FZD3: variants seen among roughly 807,000 people sequenced by gnomAD.
The protein encoded by FZD3 is frizzled class receptor 3, also known as frizzled-3.
Under a neutral mutation model 60.7 loss-of-function variants are expected in FZD3, and 30 were observed. That is an observed-to-expected ratio of 0.49 (90% CI 0.37 to 0.67). The LOEUF (loss-of-function observed/expected upper bound fraction) is 0.67. FZD3 is among the 30% of genes least tolerant of loss of function. The pLI is 0.00. For synonymous variants in FZD3, 246 were observed against 275.2 expected (o/e 0.89, Z 1.05); for missense variants, 605 against 838.7 (o/e 0.72, Z 3.44).
intron 1 of FZD3, 49 bp from the exon 2 acceptor site, chr8:28,499,884 T>C (rs1306829590): frequency 6.6e-6 from 1 of 152,230 alleles, no homozygotes; most frequent in Non-Finnish European, 1.5e-5. Flanking sequence ...ATTTACTGTA[T>C]ATAATTACAT....
At chr8:28,501,424 A>G (rs958851669) in intron 2 of FZD3, among the ~76,000 whole-genome samples, 1 of 152,164 alleles carries the variant, frequency 6.6e-6, no homozygotes, top group African/African-American at 2.4e-5. Flanking sequence ...AGGTCCCACA[A>G]TCTAAGTTAT....
chr8:28,494,309 C>CCG lies in FZD3; in HGVS notation c.-424_-423insGC, dbSNP rs1255935095. On this transcript the variant is annotated 5_prime_UTR_variant, in exon 1 of 8. Coordinates refer to ENST00000240093, the MANE Select transcript of FZD3 (RefSeq NM_017412.4). The stretch of plus-strand genomic sequence containing the variant: ...GCCGCCCGCGGCAGGCGGTGCAGCC[C>CCG]CCCCACCCCTTGGAGCCAGGCGCCG... 6.6e-6 allele frequency: 1 copy of CCG among 151,714 alleles called. No homozygotes were observed. The highest frequency in any genetic ancestry group is 1.5e-5 in the Non-Finnish European group (1 of 67,942). The allele number at this position is 151,714 out of a possible 1,614,324, so 9.4% of individuals were successfully genotyped here.
intron 1 of FZD3, among the ~76,000 whole-genome samples, chr8:28,497,941 A>G (rs1185589597): frequency 1.3e-5 from 2 of 152,222 alleles, no homozygotes; most frequent in Admixed American, 6.5e-5. Context: ...TTTCAGGACA[A>G]ATACTTAGTT....
intron 3 of FZD3, among the ~76,000 whole-genome samples, chr8:28,519,550 C>T (rs1274698635): frequency 1.3e-5 from 2 of 151,868 alleles, no homozygotes; most frequent in African/African-American, 2.4e-5. Context: ...GGCAACATGG[C>T]GAGACCCTGT....
rs1029999081 is a variant in FZD3 at position 28,573,215 on chromosome 8, C to T, written c.*10204C>T. 2.0e-5 allele frequency: 3 copies of T among 152,100 alleles called. No individual in the cohort carries two copies. Among genetic ancestry groups the T allele is most frequent in the Non-Finnish European group, 4.4e-5 (3 of 68,002 alleles). 9.4% of individuals were successfully genotyped at this position (152,100 alleles called of 1,614,324 possible). ...AATACTTCCAAAATATAACCTATCT[C>T]AAGTGTTAGAAATTTGCTTTAACTA... is the stretch of plus-strand genomic sequence containing the variant. On this transcript the variant is annotated 3_prime_UTR_variant, in exon 8 of 8. Coordinates refer to ENST00000240093, the MANE Select transcript of FZD3 (RefSeq NM_017412.4).
In FZD3 at chr8:28,527,666, A is replaced by G. The variant is rs1804751842; in HGVS notation, c.906A>G (p.Val302=). 9.9e-6 allele frequency: 16 copies of G among 1,614,028 alleles called. No homozygotes were observed. The East Asian group carries it at 2.2e-4, about 22-fold the overall frequency. ...ATTTTTTTACTATGGCTGGCAGTGT[A>G]TGGTGGGTAATTCTTACCATCACAT... is the stretch of plus-strand genomic sequence containing the variant. ...ILYFFTMAGS[V]WWVILTITWF... Residue 302 remains valine (V), a synonymous_variant, in exon 5 of 8, where the codon GTA becomes GTG. Coordinates refer to ENST00000240093, the MANE Select transcript of FZD3 (RefSeq NM_017412.4). The surrounding 1 kb of genome is among the most constrained non-coding windows in gnomAD (Gnocchi z 5.0).
Position 28,563,147 on chromosome 8 carries a change from A to C in FZD3, c.*136A>C, listed in dbSNP as rs1805646165. On this transcript the variant is annotated 3_prime_UTR_variant, in exon 8 of 8. Coordinates refer to ENST00000240093, the MANE Select transcript of FZD3 (RefSeq NM_017412.4). ...ACAGATTGTGTCCACTGGAAAGGTA[A>C]ATGATTGCTTTTTTATATTGCATCA... 1 of 644,850 alleles carries C rather than the reference A, an allele frequency of 1.6e-6. No individual in the cohort carries two copies. Among genetic ancestry groups the C allele is most frequent in the Non-Finnish European group, 2.8e-6 (1 of 355,718 alleles). The allele number at this position is 644,850 out of a possible 1,614,324, so 39.9% of individuals were successfully genotyped here.
At chr8:28,549,431 A>G (rs899117898) in intron 5 of FZD3, among the ~76,000 whole-genome samples, 1 of 152,188 alleles carries the variant, frequency 6.6e-6, no homozygotes, top group Non-Finnish European at 1.5e-5. Context: ...TTAATTTCAT[A>G]CCTAGCCACC....
At chr8:28,549,399 T>C (rs1276912061) in intron 5 of FZD3, among the ~76,000 whole-genome samples, 1 of 152,222 alleles carries the variant, frequency 6.6e-6, no homozygotes, top group African/African-American at 2.4e-5. Context: ...GATATTTATA[T>C]ACATGAAAGT....
At position 28,566,746 on chromosome 8, in the gene FZD3, A is replaced by G. The variant is rs1230536227; in HGVS notation, c.*3735A>G. 1.3e-5 allele frequency: 2 copies of G among 152,298 alleles called. No homozygotes were observed. Among genetic ancestry groups the G allele is most frequent in the Admixed American group, 6.5e-5 (1 of 15,296 alleles). 9.4% of individuals were successfully genotyped at this position (152,298 alleles called of 1,614,324 possible). On this transcript the variant is annotated 3_prime_UTR_variant, in exon 8 of 8. Transcript: ENST00000240093. ...TTTGACATGCCAAAGGTACATTTAC[A>G]TATTACCATATTTGGATGACTTACA...
intron 3 of FZD3, among the ~76,000 whole-genome samples, chr8:28,513,675 A>G (rs1388299823): frequency 6.6e-6 from 1 of 152,200 alleles, no homozygotes; most frequent in Non-Finnish European, 1.5e-5. Context: ...TTGTTTTTGA[A>G]TAATTTCTCA....
chr8:28,545,828 G>A (rs762967951), intron 5 of FZD3, among the ~76,000 whole-genome samples: 7 of 152,262 alleles, frequency 4.6e-5, no homozygotes, highest in South Asian at 2.1e-4. Flanking sequence ...TTTAATATAT[G>A]TATAAATAAT....
intron 3 of FZD3, among the ~76,000 whole-genome samples, chr8:28,507,193 T>C (rs2130294465): frequency 6.6e-6 from 1 of 152,332 alleles, no homozygotes; most frequent in East Asian, 1.9e-4. Flanking sequence ...GGTTCATACA[T>C]TGCATCCAAT....
chr8:28,499,633 G>A (rs1332584153), intron 1 of FZD3, among the ~76,000 whole-genome samples: 1 of 151,898 alleles, frequency 6.6e-6, no homozygotes, highest in Admixed American at 6.6e-5. Flanking sequence ...ATTTGAAAAT[G>A]TTGAAATATT....
chr8:28,530,877 TTTTG>T (rs1366320684), intron 5 of FZD3, among the ~76,000 whole-genome samples: 3 of 152,202 alleles, frequency 2.0e-5, no homozygotes, highest in African/African-American at 7.2e-5. Context: ...TAACTCAACA[TTTTG>T]TTTTTGAGTT....
At chr8:28,500,142 G>A (rs1192074123) in intron 2 of FZD3, among the ~76,000 whole-genome samples, 164 bp downstream of exon 2, 4 of 152,122 alleles carry the variant, frequency 2.6e-5, no homozygotes, top group African/African-American at 9.7e-5. Flanking sequence ...TTCCACTGCT[G>A]TTTTTTCCCT....
intron 5 of FZD3, among the ~76,000 whole-genome samples, chr8:28,539,954 T>C (rs1361597496): frequency 1.3e-5 from 2 of 151,944 alleles, no homozygotes; most frequent in African/African-American, 2.4e-5. Flanking sequence ...AGCCCTGGGG[T>C]CTTTGGTGGA....
chr8:28,555,896 AAAG>A lies in FZD3; in HGVS notation c.1716_1718del (p.Arg572del), dbSNP rs1805499110. The A allele has an allele frequency of 6.2e-7, 1 of 1,614,152 alleles. No individual in the cohort carries two copies. Among genetic ancestry groups the A allele is most frequent in the Non-Finnish European group, 8.5e-7 (1 of 1,179,970 alleles). ...ACTCAGCTGGCTATGGTGGATGATC[AAAG>A]AAGCAAAGCAGGAAGCATCCACAGC... is the stretch of plus-strand genomic sequence containing the variant. On this transcript the variant is annotated inframe_deletion, in exon 7 of 8. Coordinates refer to ENST00000240093, the MANE Select transcript of FZD3 (RefSeq NM_017412.4).
Position 28,551,652 on chromosome 8 carries a change from T to C in FZD3, c.1454T>C (p.Leu485Pro), listed in dbSNP as rs1745374450. The change falls in exon 6 of 8, where the codon CTG (leucine) becomes CCG (proline). Residue 485 changes from leucine (L) to proline (P), a missense_variant. Leu to Pro is a moderately conservative substitution (Grantham distance 98). Coordinates refer to ENST00000240093, the MANE Select transcript of FZD3 (RefSeq NM_017412.4). ...PDLILFLMKYLMALIVGIPSV... is the reference protein window; with the variant it reads ...PDLILFLMKYPMALIVGIPSV... ...TTGATTCTCTTTCTGATGAAATACC[T>C]GATGGCTCTCATAGTTGGCATTCCC... 1 of 1,610,604 alleles carries C rather than the reference T, an allele frequency of 6.2e-7. No homozygotes were observed. The highest frequency in any genetic ancestry group is 1.3e-5 in the African/African-American group (1 of 74,870).
Sources: gnomAD v4.1 joint callset for allele counts (sites outside exome capture counted in the v4.1 genomes callset) on GRCh38, gnomAD v4.1.1 for gene constraint, Gnocchi (gnomAD v3.1) non-coding constraint, MANE v1.5 for transcripts, NCBI Gene and HGNC (gene_info 2026-07-23, HGNC 2026-07-21) for gene names.